Variants in NTF3 observed in about 807,000 individuals in gnomAD.
NTF3 encodes the protein neurotrophin-3.
Under a neutral mutation model 26.3 loss-of-function variants are expected in NTF3, and 8 were observed. The observed-to-expected ratio is 0.30, with a 90% confidence interval of 0.18 to 0.55. The LOEUF is 0.55. Among genes scored for constraint, NTF3 ranks in the 20% least tolerant of loss-of-function variants. The probability of loss-of-function intolerance (pLI) is 0.93; values close to 1 mark genes in which losing one functional copy is unlikely to be tolerated. For missense variants in NTF3, 276 were observed against 352.9 expected (o/e 0.78, Z 1.75); for synonymous variants, 154 against 145.5 (o/e 1.06, Z -0.42).
chr12:5,461,036 C>T (rs7954653), intron 1 of NTF3, among the ~76,000 whole-genome samples: 2,999 of 152,210 alleles, frequency 0.02, 88 homozygotes, highest in African/African-American at 0.065. Flanking sequence ...TTTCTAACCA[C>T]TTGGATTTGG....
Position 5,433,724 on chromosome 12 carries a change from C to G in NTF3, c.18+1382C>G, listed in dbSNP as rs1208313787. ...AAGATCGTCTGGCCTCGGCCTCTGG[C>G]GGCGGGCGGCAGGTTCTGAGTCCGA... On this transcript the variant is annotated intron_variant, in intron 1 of 1. Coordinates refer to ENST00000423158, the MANE Select transcript of NTF3 (RefSeq NM_001102654.2). This position sits in a 1 kb window ranked among gnomAD's most constrained non-coding sequence, Gnocchi z 4.6. Among the ~76,000 whole-genome samples the G allele has an allele frequency of 6.6e-6, 1 of 152,016 alleles. No individual in the cohort carries two copies. Among genetic ancestry groups the G allele is most frequent in the Non-Finnish European group, 1.5e-5 (1 of 68,010 alleles).
At chr12:5,452,059 A>G (rs2121170592) in intron 1 of NTF3, among the ~76,000 whole-genome samples, 1 of 143,890 alleles carries the variant, frequency 6.9e-6, no homozygotes, top group African/African-American at 2.6e-5. Context: ...TCCAGTCATT[A>G]TTGCATTGTA....
At chr12:5,437,586 A>G (rs1432597851) in intron 1 of NTF3, among the ~76,000 whole-genome samples, 1 of 152,170 alleles carries the variant, frequency 6.6e-6, no homozygotes, top group Non-Finnish European at 1.5e-5. Context: ...GAAGTGAGAG[A>G]GGGGATGCAG....
chr12:5,437,651 C>T (rs554553815), intron 1 of NTF3, among the ~76,000 whole-genome samples: 23 of 152,294 alleles, frequency 1.5e-4, no homozygotes, highest in African/African-American at 5.5e-4. Flanking sequence ...TCACCCGCGG[C>T]TGTTTTACTC....
At chr12:5,457,984 C>A (rs984181431) in intron 1 of NTF3, among the ~76,000 whole-genome samples, 54 of 152,192 alleles carry the variant, frequency 3.5e-4, no homozygotes, top group Non-Finnish European at 3.4e-4. Flanking sequence ...ACCATTGTCT[C>A]TTGCCATCCT....
chr12:5,436,217 G>A (rs919224948), intron 1 of NTF3, among the ~76,000 whole-genome samples: 4 of 152,104 alleles, frequency 2.6e-5, no homozygotes, highest in Non-Finnish European at 5.9e-5. Flanking sequence ...ACCACCGTTG[G>A]GCATATGTTT....
At chr12:5,455,714 T>C (rs1483504274) in intron 1 of NTF3, among the ~76,000 whole-genome samples, 1 of 152,066 alleles carries the variant, frequency 6.6e-6, no homozygotes, top group African/African-American at 2.4e-5. Flanking sequence ...GGAAAGGAGG[T>C]GTGGCTCTGA....
chr12:5,485,871 A>C (rs1215085231), intron 1 of NTF3, among the ~76,000 whole-genome samples: 1 of 152,218 alleles, frequency 6.6e-6, no homozygotes, highest in Non-Finnish European at 1.5e-5. Flanking sequence ...GAAAAGCACC[A>C]GACACATGTT....
At chr12:5,489,575 G>A (rs1940908450) in intron 1 of NTF3, among the ~76,000 whole-genome samples, 1 of 152,210 alleles carries the variant, frequency 6.6e-6, no homozygotes, top group Admixed American at 6.5e-5. Context: ...ATGTAAGCCA[G>A]TACCTGGCAC....
chr12:5,474,467 G>A (rs1479376796), intron 1 of NTF3, among the ~76,000 whole-genome samples: 1 of 152,204 alleles, frequency 6.6e-6, no homozygotes, highest in African/African-American at 2.4e-5. Context: ...TATACATGGT[G>A]TGTTTGGAAA....
chr12:5,464,544 G>T (rs541627275), intron 1 of NTF3, among the ~76,000 whole-genome samples: 1 of 152,296 alleles, frequency 6.6e-6, no homozygotes, highest in African/African-American at 2.4e-5. Flanking sequence ...GGGGTCATAG[G>T]TTGAGGAGCA....
At chr12:5,455,840 T>C (rs1466923331) in intron 1 of NTF3, among the ~76,000 whole-genome samples, 6 of 152,082 alleles carry the variant, frequency 3.9e-5, no homozygotes, top group African/African-American at 1.4e-4. Context: ...GTGCCTTTCA[T>C]GGATGGTGAG....
chr12:5,464,793 A>C (rs1940568377), intron 1 of NTF3, among the ~76,000 whole-genome samples: 1 of 152,160 alleles, frequency 6.6e-6, no homozygotes. Context: ...GATTATATGA[A>C]TTTATTGAGT....
intron 1 of NTF3, among the ~76,000 whole-genome samples, chr12:5,435,135 A>C (rs909018094): frequency 6.6e-6 from 1 of 152,212 alleles, no homozygotes; most frequent in Non-Finnish European, 1.5e-5. Flanking sequence ...TGTGTGCATA[A>C]GACTGAAGTA....
chr12:5,475,542 A>G (rs1302907626), intron 1 of NTF3, among the ~76,000 whole-genome samples: 1 of 152,062 alleles, frequency 6.6e-6, no homozygotes, highest in East Asian at 1.9e-4. Context: ...GGTAGGTTGA[A>G]AATATGTCTG....
intron 1 of NTF3, among the ~76,000 whole-genome samples, chr12:5,451,683 G>GT (rs889370179): frequency 6.6e-6 from 1 of 151,994 alleles, no homozygotes; most frequent in Non-Finnish European, 1.5e-5. Context: ...CTTTATTTTT[G>GT]TTTTTTTACT....
chr12:5,494,263 C>A lies in NTF3; in HGVS notation c.88C>A (p.Gln30Lys). Residue 30 changes from glutamine to lysine, a missense_variant, in exon 2 of 2, where the codon CAA becomes AAA. Gln to Lys is a moderately conservative substitution (Grantham distance 53). Coordinates refer to ENST00000423158, the MANE Select transcript of NTF3 (RefSeq NM_001102654.2). This position sits in a 1 kb window ranked among gnomAD's most constrained non-coding sequence, Gnocchi z 8.3. ...VIFLAYLRGIQGNNMDQRSLP... is the reference protein window; with the variant it reads ...VIFLAYLRGIKGNNMDQRSLP... Reference sequence around the variant, plus strand: ...ATTTCTCGCTTATCTCCGTGGCATCCAAGGTAACAACATGGATCAAAGGAG... The same window carrying A: ...ATTTCTCGCTTATCTCCGTGGCATCAAAGGTAACAACATGGATCAAAGGAG... 1.2e-6 allele frequency: 2 copies of A among 1,614,082 alleles called. No homozygotes were observed. The highest frequency in any genetic ancestry group is 1.7e-6 in the Non-Finnish European group (2 of 1,180,022).
At chr12:5,468,619 G>T (rs1940621391) in intron 1 of NTF3, among the ~76,000 whole-genome samples, 4 of 152,220 alleles carry the variant, frequency 2.6e-5, no homozygotes, top group Admixed American at 2.6e-4. Flanking sequence ...CAATATGGAT[G>T]TAAACTAAAA....
chr12:5,470,501 G>T (rs1940651425), intron 1 of NTF3, among the ~76,000 whole-genome samples: 2 of 152,164 alleles, frequency 1.3e-5, no homozygotes, highest in Non-Finnish European at 2.9e-5. Context: ...GTGTTCCTGG[G>T]GCATTCCACT....
Sources: gnomAD v4.1 joint callset for allele counts (sites outside exome capture counted in the v4.1 genomes callset) on GRCh38, gnomAD v4.1.1 for gene constraint, Gnocchi (gnomAD v3.1) non-coding constraint, MANE v1.5 for transcripts, NCBI Gene and HGNC (gene_info 2026-07-23, HGNC 2026-07-21) for gene names.